The following NAP1L4 variants were observed in gnomAD, a reference collection of about 807,000 sequenced individuals.
The protein encoded by NAP1L4 is nucleosome assembly protein 1 like 4.
NAP1L4 carries 15 observed loss-of-function variants against 58.2 expected under a neutral mutation model. The ratio of observed to expected loss-of-function variants is 0.26; its 90% CI spans 0.17 to 0.40. The LOEUF is 0.40. Among genes scored for constraint, NAP1L4 ranks in the 10% least tolerant of loss-of-function variants. The pLI, the probability that NAP1L4 is intolerant of heterozygous loss-of-function variation, is 1.00. For missense variants in NAP1L4, 384 were observed against 451.1 expected, an observed-to-expected ratio of 0.85 and a Z score of 1.35; for synonymous variants, 171 against 155.6, an observed-to-expected ratio of 1.10 and a Z score of -0.74.
chr11:2,981,993 T>C (rs1349998011), intron 1 of NAP1L4, among the ~76,000 whole-genome samples: 1 of 152,220 alleles, frequency 6.6e-6, no homozygotes. Flanking sequence ...TTCTCACATA[T>C]TCTAAATGCA....
intron 4 of NAP1L4, among the ~76,000 whole-genome samples, 198 bp from the exon 5 acceptor site, chr11:2,972,441 A>G (rs555812173): frequency 2.6e-5 from 4 of 152,356 alleles, no homozygotes; most frequent in South Asian, 4.1e-4. Context: ...AATAATTCAC[A>G]AAAGAAAAAA....
intron 3 of NAP1L4, among the ~76,000 whole-genome samples, chr11:2,976,952 C>T (rs1473008065): frequency 6.7e-6 from 1 of 149,496 alleles, no homozygotes; most frequent in East Asian, 1.9e-4. Context: ...AGTACATACC[C>T]GAGTATTCTC....
At chr11:2,970,359 T>G (rs1436444588) in intron 6 of NAP1L4, among the ~76,000 whole-genome samples, 1 of 151,928 alleles carries the variant, frequency 6.6e-6, no homozygotes, top group Non-Finnish European at 1.5e-5. Context: ...AGTGCAAGGA[T>G]AAAGAAGTTC....
intron 15 of NAP1L4, among the ~76,000 whole-genome samples, chr11:2,947,230 T>C (rs1250778793): frequency 6.6e-6 from 1 of 152,144 alleles, no homozygotes; most frequent in African/African-American, 2.4e-5. Context: ...CAGAAATAAA[T>C]CTAAATTATC....
At chr11:2,986,373 C>CAA (rs34433683) in intron 1 of NAP1L4, among the ~76,000 whole-genome samples, 203 of 108,600 alleles carry the variant, frequency 1.9e-3, no homozygotes, top group African/African-American at 5.5e-3. Context: ...GACCCTGTCT[C>CAA]AAAAAAAAAA....
chr11:2,956,823 C>G (rs771499088), intron 10 of NAP1L4, among the ~76,000 whole-genome samples: 3 of 152,208 alleles, frequency 2.0e-5, no homozygotes, highest in Non-Finnish European at 4.4e-5. Context: ...CTAGCTAATG[C>G]CTCCTTCACT....
Position 2,949,209 on chromosome 11 carries a change from A to G in NAP1L4, c.*32+18T>C. On this transcript the variant is annotated intron_variant, in intron 15 of 15. Transcript: ENST00000380542. This position sits in a 1 kb window ranked among gnomAD's most constrained non-coding sequence, Gnocchi z 4.0. The stretch of plus-strand genomic sequence containing the variant: ...ATCAGAAGTTTGGAAGTTAGGTATG[A>G]ATGGAATTCCACCTTACCTAGAAAC... The G allele has an allele frequency of 1.9e-6, 3 of 1,567,218 alleles. No homozygotes were observed. Among genetic ancestry groups the G allele is most frequent in the Non-Finnish European group, 2.6e-6 (3 of 1,138,368 alleles).
At chr11:2,987,849 A>G (rs1209183872) in intron 1 of NAP1L4, among the ~76,000 whole-genome samples, 2 of 152,066 alleles carry the variant, frequency 1.3e-5, no homozygotes, top group Admixed American at 6.5e-5. Flanking sequence ...TACTTGCTCA[A>G]TACAGAAGTC....
intron 15 of NAP1L4, among the ~76,000 whole-genome samples, chr11:2,947,771 C>A (rs1846015963): frequency 6.6e-6 from 1 of 152,148 alleles, no homozygotes; most frequent in South Asian, 2.1e-4. Flanking sequence ...GGAAAAAAAT[C>A]TCATCTCTCA....
chr11:2,956,864 C>T (rs1177855408), intron 10 of NAP1L4, among the ~76,000 whole-genome samples: 1 of 152,200 alleles, frequency 6.6e-6, no homozygotes, highest in African/African-American at 2.4e-5. Context: ...TTGTCTGTTC[C>T]TTCACTACCC....
At chr11:2,975,261 T>G (rs1188427242) in intron 4 of NAP1L4, among the ~76,000 whole-genome samples, 2 of 151,604 alleles carry the variant, frequency 1.3e-5, no homozygotes, top group East Asian at 3.9e-4. Context: ...AAGGTTACAA[T>G]GAACTATTAC....
At chr11:2,962,928 C>T (rs187888661) in intron 8 of NAP1L4, among the ~76,000 whole-genome samples, 254 of 151,684 alleles carry the variant, frequency 1.7e-3, no homozygotes, top group South Asian at 3.1e-3. Flanking sequence ...GGTGAAACCA[C>T]GTCTCTACTA....
chr11:2,975,861 G>T (rs774278112), intron 4 of NAP1L4, among the ~76,000 whole-genome samples, 163 bp downstream of exon 4: 9 of 152,138 alleles, frequency 5.9e-5, no homozygotes, highest in Admixed American at 6.5e-5. Flanking sequence ...CCTAGGCACC[G>T]GGTAGGGTCA....
At position 2,949,514 on chromosome 11, in the gene NAP1L4, C is replaced by CT. The variant is rs1297404624; in HGVS notation, c.1123-251dup. Among the ~76,000 whole-genome samples the CT allele has an allele frequency of 2.6e-5, 4 of 152,206 alleles. No homozygotes were observed. Among genetic ancestry groups the CT allele is most frequent in the Non-Finnish European group, 4.4e-5 (3 of 68,046 alleles). On this transcript the variant is annotated intron_variant, in intron 14 of 15. Coordinates refer to ENST00000380542, the MANE Select transcript of NAP1L4 (RefSeq NM_005969.4). The surrounding 1 kb of genome is among the most constrained non-coding windows in gnomAD (Gnocchi z 4.0). ...TTGTTTTCTTTTGCTTGCACAGACT[C>CT]TAACACTGCCCATCTCTCTGGAAGG...
intron 4 of NAP1L4, among the ~76,000 whole-genome samples, chr11:2,973,128 G>A (rs1277941063): frequency 6.6e-6 from 1 of 152,180 alleles, no homozygotes; most frequent in Non-Finnish European, 1.5e-5. Context: ...AGTGCCACGT[G>A]GGAATCCACA....
Position 2,951,701 on chromosome 11 carries a change from A to G in NAP1L4, c.1065+79T>C, listed in dbSNP as rs1846235427. The G allele has an allele frequency of 2.8e-6, 4 of 1,447,862 alleles. 1 individual carries two copies. The East Asian group carries it at 9.1e-5, about 33-fold the overall frequency. The allele number at this position is 1,447,862 out of a possible 1,614,324, so 89.7% of individuals were successfully genotyped here. Reference sequence around the variant, plus strand: ...AAAATGGGTTTAACACAGCCCTGTGAGTCCATAACCTTCAAGCAGAGAAAG... The same window carrying G: ...AAAATGGGTTTAACACAGCCCTGTGGGTCCATAACCTTCAAGCAGAGAAAG... On this transcript the variant is annotated intron_variant, in intron 13 of 15. Coordinates refer to ENST00000380542, the MANE Select transcript of NAP1L4 (RefSeq NM_005969.4). This position sits in a 1 kb window ranked among gnomAD's most constrained non-coding sequence, Gnocchi z 4.0.
At chr11:2,947,048 T>A (rs1244058891) in intron 15 of NAP1L4, among the ~76,000 whole-genome samples, 1 of 152,180 alleles carries the variant, frequency 6.6e-6, no homozygotes, top group Non-Finnish European at 1.5e-5. Flanking sequence ...ACAGACTCCA[T>A]CTTTATGTAC....
In NAP1L4 at chr11:2,948,001, A is replaced by T. The variant is rs1164332285; in HGVS notation, c.*32+1226T>A. Among the ~76,000 whole-genome samples, 1 of 152,144 alleles carries T rather than the reference A, an allele frequency of 6.6e-6. No homozygotes were observed. Among genetic ancestry groups the T allele is most frequent in the East Asian group, 1.9e-4 (1 of 5,192 alleles). ...CTCTTCCAGGGAGGCATACTGAAAT[A>T]CGGATAGGTGGCACGCATCGAGGAT... On this transcript the variant is annotated intron_variant, in intron 15 of 15. Coordinates refer to ENST00000380542, the MANE Select transcript of NAP1L4 (RefSeq NM_005969.4). The surrounding 1 kb of genome is among the most constrained non-coding windows in gnomAD (Gnocchi z 5.1).
chr11:2,986,513 T>C lies in NAP1L4; in HGVS notation c.-18+5741A>G, dbSNP rs534724137. Among the ~76,000 whole-genome samples, 5 of 152,304 alleles carry C rather than the reference T, an allele frequency of 3.3e-5. No homozygotes were observed. In the East Asian group the frequency reaches 7.7e-4, roughly 23 times the overall value. On this transcript the variant is annotated intron_variant, in intron 1 of 15. Coordinates refer to ENST00000380542, the MANE Select transcript of NAP1L4 (RefSeq NM_005969.4). ...AACTCAAAGGTCCTCAATGTCTTTATGGGAGATAACTGAAGGATTAAAATT... is the reference window on the plus strand; with the variant it reads ...AACTCAAAGGTCCTCAATGTCTTTACGGGAGATAACTGAAGGATTAAAATT...
Sources: gnomAD v4.1 joint callset for allele counts (sites outside exome capture counted in the v4.1 genomes callset) on GRCh38, gnomAD v4.1.1 for gene constraint, Gnocchi (gnomAD v3.1) non-coding constraint, MANE v1.5 for transcripts, NCBI Gene and HGNC (gene_info 2026-07-23, HGNC 2026-07-21) for gene names.